SGCZ: variants seen among roughly 807,000 people sequenced by gnomAD.
SGCZ encodes the protein sarcoglycan zeta, also known as zeta-sarcoglycan.
In SGCZ, 40 loss-of-function variants were observed where a neutral mutation model predicts 41.3. The ratio of observed to expected loss-of-function variants is 0.97; its 90% confidence interval spans 0.75 to 1.26. The LOEUF is 1.26. Ranked by LOEUF, SGCZ falls within the 50% of genes most tolerant of loss-of-function variation. SGCZ has a pLI of 0.00. For missense variants in SGCZ, 552 were observed against 369.8 expected (o/e 1.49, Z -4.04); for synonymous variants, 206 against 137.5 (o/e 1.50, Z -3.49).
rs59401421 is a variant in SGCZ, at chr8:15,129,707, CAA to C, written c.39+107876_39+107877del. On this transcript the variant is annotated intron_variant, in intron 1 of 7. Coordinates refer to ENST00000382080, the MANE Select transcript of SGCZ (RefSeq NM_139167.4). ...TCGGGTAAAGTCAGAGAAGCATTTGCAAAAAAAAAAAAAAAAAATCACAGTTC... is the reference window on the plus strand; with the variant it reads ...TCGGGTAAAGTCAGAGAAGCATTTGCAAAAAAAAAAAAAAAATCACAGTTC... 2.9e-4 allele frequency among the ~76,000 whole-genome samples: 31 copies of C among 107,852 alleles called. 1 individual carries two copies. Among genetic ancestry groups the C allele is most frequent in the African/African-American group, 7.3e-4 (21 of 28,860 alleles). The allele number at this position is 107,852 out of a possible 152,430, so 70.8% of individuals were successfully genotyped here. A position where few individuals can be genotyped will look rare whatever the true frequency, so the allele number is the denominator to read the frequency against.
At chr8:15,115,010 A>T (rs1018041126) in intron 1 of SGCZ, among the ~76,000 whole-genome samples, 11 of 152,118 alleles carry the variant, frequency 7.2e-5, no homozygotes, top group African/African-American at 2.7e-4. Flanking sequence ...TTATGATAAA[A>T]CTGGCCATAT....
At chr8:15,037,958 A>G (rs1803930518) in intron 1 of SGCZ, among the ~76,000 whole-genome samples, 1 of 152,178 alleles carries the variant, frequency 6.6e-6, no homozygotes, top group Non-Finnish European at 1.5e-5. Flanking sequence ...GAAAGAAATT[A>G]GAAACACAAA....
chr8:14,129,468 C>T (rs1414923537), intron 5 of SGCZ, among the ~76,000 whole-genome samples: 2 of 150,200 alleles, frequency 1.3e-5, no homozygotes, highest in East Asian at 2.0e-4. Context: ...ACAATAGCCT[C>T]TTAACCAATG....
intron 2 of SGCZ, among the ~76,000 whole-genome samples, chr8:14,507,603 G>A (rs1281394695): frequency 1.3e-5 from 2 of 152,074 alleles, no homozygotes; most frequent in South Asian, 2.1e-4. Flanking sequence ...CTGCAACACT[G>A]GTATTTTTAT....
intron 4 of SGCZ, among the ~76,000 whole-genome samples, chr8:14,202,007 C>T (rs192468521): frequency 4.7e-4 from 72 of 152,224 alleles, no homozygotes; most frequent in African/African-American, 7.2e-4. Context: ...CCCCTCAGAA[C>T]GCCCCACCTC....
chr8:15,023,330 C>T (rs903801854), intron 1 of SGCZ, among the ~76,000 whole-genome samples: 1 of 152,060 alleles, frequency 6.6e-6, no homozygotes, highest in African/African-American at 2.4e-5. Context: ...GAGTGTCTAC[C>T]GTGAAACCTG....
At chr8:14,245,002 A>G (rs942658722) in intron 3 of SGCZ, among the ~76,000 whole-genome samples, 1 of 152,086 alleles carries the variant, frequency 6.6e-6, no homozygotes, top group Non-Finnish European at 1.5e-5. Context: ...GGCTGAGACA[A>G]TGGGGTTTTC....
chr8:15,076,236 C>T (rs904688381), intron 1 of SGCZ, among the ~76,000 whole-genome samples: 21 of 152,002 alleles, frequency 1.4e-4, no homozygotes, highest in African/African-American at 4.4e-4. Context: ...TTTGTCAGGA[C>T]TTTTTGGAAA....
At chr8:15,066,037 G>A (rs1348400052) in intron 1 of SGCZ, among the ~76,000 whole-genome samples, 2 of 151,928 alleles carry the variant, frequency 1.3e-5, no homozygotes, top group East Asian at 3.9e-4. Flanking sequence ...GGCCGGGCGC[G>A]GTGGCTCACG....
At chr8:14,965,171 C>T (rs1171497560) in intron 1 of SGCZ, among the ~76,000 whole-genome samples, 2 of 152,110 alleles carry the variant, frequency 1.3e-5, no homozygotes, top group Non-Finnish European at 2.9e-5. Flanking sequence ...CCATAGTTCG[C>T]AGAACTCAAA....
chr8:14,440,842 T>C (rs1800238675), intron 2 of SGCZ, among the ~76,000 whole-genome samples: 1 of 138,768 alleles, frequency 7.2e-6, no homozygotes, highest in Non-Finnish European at 1.6e-5. Context: ...CATATATGTG[T>C]ACATATATGT....
At chr8:14,160,609 G>A (rs1046217770) in intron 5 of SGCZ, among the ~76,000 whole-genome samples, 12 of 152,156 alleles carry the variant, frequency 7.9e-5, no homozygotes, top group African/African-American at 2.9e-4. Flanking sequence ...CTTCTCCTGG[G>A]CAAGACAAGT....
intron 1 of SGCZ, among the ~76,000 whole-genome samples, chr8:14,943,040 C>G (rs1054619710): frequency 6.6e-6 from 1 of 152,090 alleles, no homozygotes; most frequent in Non-Finnish European, 1.5e-5. Flanking sequence ...AAAAATAAAA[C>G]ATTATTTACA....
chr8:14,544,559 G>T (rs896334791), intron 2 of SGCZ, among the ~76,000 whole-genome samples: 12 of 152,038 alleles, frequency 7.9e-5, no homozygotes, highest in African/African-American at 4.8e-5. Flanking sequence ...AAAGGAATGC[G>T]TTCCTGGGGG....
Position 14,144,889 on chromosome 8 carries a change from G to A in SGCZ, c.547+19691C>T, listed in dbSNP as rs534177329. On this transcript the variant is annotated intron_variant, in intron 5 of 7. Transcript: ENST00000382080. ...TGGTGGTGGCTACTGGGTGAGGCTC[G>A]TTTGTCTTTGGAAAGGGAAGGGAAG... Among the ~76,000 whole-genome samples, 19 of 152,236 alleles carry A rather than the reference G, an allele frequency of 1.2e-4. No homozygotes were observed. The Middle Eastern group carries it at 0.01, about 82-fold the overall frequency.
At chr8:14,933,762 A>G (rs1585391409) in intron 1 of SGCZ, among the ~76,000 whole-genome samples, 1 of 151,938 alleles carries the variant, frequency 6.6e-6, no homozygotes, top group East Asian at 1.9e-4. Flanking sequence ...TGCAGGAATG[A>G]TTTTTAAATA....
intron 1 of SGCZ, among the ~76,000 whole-genome samples, chr8:15,226,368 G>A (rs774184184): frequency 3.9e-5 from 6 of 152,136 alleles, no homozygotes; most frequent in Non-Finnish European, 5.9e-5. Flanking sequence ...TCATGGCTCC[G>A]CAAGAGTGTA....
chr8:14,111,388 TAGAGA>T (rs996713087), intron 5 of SGCZ, among the ~76,000 whole-genome samples: 13 of 152,142 alleles, frequency 8.5e-5, no homozygotes, highest in Non-Finnish European at 1.8e-4. Flanking sequence ...TATGCTCACT[TAGAGA>T]AAAGACAGAC....
intron 1 of SGCZ, among the ~76,000 whole-genome samples, chr8:14,952,766 T>C (rs73517393): frequency 0.11 from 16,427 of 152,136 alleles, 1,079 homozygotes; most frequent in African/African-American, 0.17. Context: ...AAAGTATTTA[T>C]TGTTACCCGA....
Sources: allele counts gnomAD v4.1 joint callset (sites outside exome capture counted in the v4.1 genomes callset), GRCh38; gene constraint gnomAD v4.1.1; transcripts MANE v1.5; gene names NCBI Gene and HGNC (gene_info 2026-07-23, HGNC 2026-07-21).